The following KIF5A variants were observed in gnomAD, a reference collection of about 807,000 sequenced individuals.
KIF5A encodes kinesin heavy chain isoform 5A.
In KIF5A, 35 loss-of-function variants were observed where a neutral mutation model predicts 141.3. The observed-to-expected ratio is 0.25, with a 90% CI of 0.19 to 0.33. KIF5A has a LOEUF of 0.33. KIF5A is among the 10% of genes least tolerant of loss of function. The pLI is 1.00. For synonymous variants in KIF5A, 448 were observed against 500.2 expected (o/e 0.90, Z 1.39); for missense variants, 861 against 1,314.3 (o/e 0.66, Z 5.33).
intron 13 of KIF5A, among the ~76,000 whole-genome samples, chr12:57,571,721 C>T (rs1232418203): frequency 6.6e-6 from 1 of 152,090 alleles, no homozygotes; most frequent in Non-Finnish European, 1.5e-5. Context: ...AAGTGCACCA[C>T]CACACATGGC....
intron 1 of KIF5A, among the ~76,000 whole-genome samples, chr12:57,551,576 G>A (rs941470311): frequency 2.6e-5 from 4 of 152,184 alleles, no homozygotes; most frequent in Admixed American, 6.5e-5. Flanking sequence ...CTTGAGGGGT[G>A]CTGGGCCAGG....
rs1292347104 is a variant in KIF5A at position 57,584,429 on chromosome 12, C to T, written c.*248C>T. On this transcript the variant is annotated 3_prime_UTR_variant, in exon 29 of 29. Coordinates refer to ENST00000455537, the MANE Select transcript of KIF5A (RefSeq NM_004984.4). ...CTCAAGTATCTACTGATGTATTTAG[C>T]AATTTCAAAGCATAGTCTACCTTCC... 1 of 152,644 alleles carries T rather than the reference C, an allele frequency of 6.6e-6. No individual in the cohort carries two copies. The highest frequency in any genetic ancestry group is 2.4e-5 in the African/African-American group (1 of 41,450). 9.5% of individuals were successfully genotyped at this position (152,644 alleles called of 1,614,324 possible). A position where few individuals can be genotyped will look rare whatever the true frequency, so the allele number is the denominator to read the frequency against.
At chr12:57,564,824 A>G (rs1240447907) in intron 5 of KIF5A, 94 bp from the exon 6 acceptor site, 11 of 1,197,330 alleles carry the variant, frequency 9.2e-6, no homozygotes, top group Non-Finnish European at 1.4e-5. Context: ...TTCCTTTAGC[A>G]CAGAGAAGAA....
At position 57,576,316 on chromosome 12, in the gene KIF5A, G is replaced by A; in HGVS notation, c.2136G>A (p.Arg712=). The A allele has an allele frequency of 6.2e-7, 1 of 1,614,056 alleles. No homozygotes were observed. Among genetic ancestry groups the A allele is most frequent in the Non-Finnish European group, 8.5e-7 (1 of 1,179,950 alleles). Residue 712 remains arginine (R), a synonymous_variant, in exon 19 of 29, where the codon CGG becomes CGA. Coordinates refer to ENST00000455537, the MANE Select transcript of KIF5A (RefSeq NM_004984.4). ...AGAGTCACCGGGAGGCCCATCACCG[G>A]CAGCTGGCCCGGCTCCGGGACGAGA... is the stretch of plus-strand genomic sequence containing the variant. The part of the protein sequence containing the change: ...QMESHREAHH[R]QLARLRDEIN...
intron 23 of KIF5A, 28 bp from the exon 24 acceptor site, chr12:57,580,928 C>T (rs573782530): frequency 6.2e-7 from 1 of 1,610,710 alleles, no homozygotes; most frequent in South Asian, 1.1e-5. Flanking sequence ...CCTTCCTTTC[C>T]ACTTCTTCCC....
chr12:57,582,841 T>C, intron 27 of KIF5A: 1 of 636,360 alleles, frequency 1.6e-6, no homozygotes, highest in South Asian at 1.9e-5. Context: ...ATCTGTGGCT[T>C]CTCCCTATTC....
At position 57,564,157 on chromosome 12, in the gene KIF5A, G is replaced by A. The variant is rs144277716; in HGVS notation, c.341G>A (p.Arg114Gln). The A allele has an allele frequency of 1.6e-5, 26 of 1,613,924 alleles. No individual in the cohort carries two copies. Among genetic ancestry groups the A allele is most frequent in the African/African-American group, 1.3e-4 (10 of 74,914 alleles). Residue 114 changes from arginine to glutamine, a missense_variant, in exon 4 of 29, where the codon CGA becomes CAA. Arg to Gln is a conservative substitution (Grantham distance 43). Coordinates refer to ENST00000455537, the MANE Select transcript of KIF5A (RefSeq NM_004984.4). ...ATGGGAATCATTCCTCGAATTGCCCGAGACATCTTCAACCACATCTACTCC... is the reference window on the plus strand; with the variant it reads ...ATGGGAATCATTCCTCGAATTGCCCAAGACATCTTCAACCACATCTACTCC... ...QLMGIIPRIA[R>Q]DIFNHIYSMD...
chr12:57,580,936 C>T lies in KIF5A; in HGVS notation c.2539-20C>T. ...TCACTTGCCTTCCTTTCCACTTCTT[C>T]CCTTTGGCTTGCCCCATAGCTGGTA... On this transcript the variant is annotated intron_variant, in intron 23 of 28. Transcript: ENST00000455537. 1.9e-6 allele frequency: 3 copies of T among 1,612,936 alleles called. No homozygotes were observed. The highest frequency in any genetic ancestry group is 2.5e-6 in the Non-Finnish European group (3 of 1,179,320).
chr12:57,566,610 A>C (rs1882073080), intron 6 of KIF5A, among the ~76,000 whole-genome samples: 1 of 151,702 alleles, frequency 6.6e-6, no homozygotes, highest in Admixed American at 6.6e-5. Context: ...GGATTTTGCC[A>C]TGTTGGCCAG....
chr12:57,577,538 G>A (rs1594923604), intron 20 of KIF5A, among the ~76,000 whole-genome samples, 175 bp from the exon 21 acceptor site: 1 of 152,178 alleles, frequency 6.6e-6, no homozygotes, highest in Non-Finnish European at 1.5e-5. Flanking sequence ...TGAGGCTGCA[G>A]TGAGCCCTGA....
rs1178987040 is a variant in KIF5A at position 57,581,972 on chromosome 12, A to T, written c.2992+20A>T. 1.3e-6 allele frequency: 2 copies of T among 1,597,750 alleles called. No homozygotes were observed. Among genetic ancestry groups the T allele is most frequent in the Non-Finnish European group, 1.7e-6 (2 of 1,165,054 alleles). On this transcript the variant is annotated intron_variant, in intron 26 of 28. Coordinates refer to ENST00000455537, the MANE Select transcript of KIF5A (RefSeq NM_004984.4). ...ACAATGGTGAGTGAAAAAGATGGGT[A>T]ATCCCACCTTTGGGGTCCTCAGGGC...
At chr12:57,563,990 T>G (rs1462484371) in intron 3 of KIF5A, 118 bp from the exon 4 acceptor site, 2 of 773,388 alleles carry the variant, frequency 2.6e-6, no homozygotes, top group Admixed American at 3.9e-5. Flanking sequence ...GTGGTGACCA[T>G]CTCCTAACTT....
At chr12:57,558,471 C>G (rs1266606920) in intron 1 of KIF5A, among the ~76,000 whole-genome samples, 6 of 152,078 alleles carry the variant, frequency 3.9e-5, no homozygotes, top group South Asian at 2.1e-4. Flanking sequence ...GTCAGGAGTT[C>G]AAGACCAGCC....
At chr12:57,581,370 G>A (rs763092868) in intron 24 of KIF5A, 45 bp from the exon 25 acceptor site, 16 of 1,611,212 alleles carry the variant, frequency 9.9e-6, no homozygotes, top group Admixed American at 1.7e-5. Context: ...CAGGGCAAAT[G>A]CAGGGTCATA....
At chr12:57,568,869 T>A in intron 8 of KIF5A, 94 bp from the exon 9 acceptor site, 1 of 805,934 alleles carries the variant, frequency 1.2e-6, no homozygotes, top group Non-Finnish European at 2.1e-6. Flanking sequence ...CCCTGTTCCT[T>A]CCTTCCTCCG....
chr12:57,554,820 C>T (rs775854949), intron 1 of KIF5A, among the ~76,000 whole-genome samples: 24 of 152,086 alleles, frequency 1.6e-4, no homozygotes, highest in Non-Finnish European at 3.4e-4. Context: ...TTTTTAACAG[C>T]CAGCTCTCAC....
intron 1 of KIF5A, among the ~76,000 whole-genome samples, chr12:57,557,282 G>T (rs1245081012): frequency 6.6e-6 from 1 of 151,906 alleles, no homozygotes; most frequent in Non-Finnish European, 1.5e-5. Flanking sequence ...AGAGGCATTG[G>T]CTTGAGATAG....
At position 57,578,144 on chromosome 12, in the gene KIF5A, G is replaced by A. The variant is rs891491367; in HGVS notation, c.2433+64G>A. On this transcript the variant is annotated intron_variant, in intron 22 of 28. Coordinates refer to ENST00000455537, the MANE Select transcript of KIF5A (RefSeq NM_004984.4). Reference sequence around the variant, plus strand: ...CTCCTCCTATCCTTAGGTTTCTCCTGCCCCTGTTGCCCCTATGGGGCTGGC... The same window carrying A: ...CTCCTCCTATCCTTAGGTTTCTCCTACCCCTGTTGCCCCTATGGGGCTGGC... The A allele has an allele frequency of 6.3e-6, 10 of 1,578,134 alleles. No homozygotes were observed. The South Asian group carries it at 1.1e-4, about 17-fold the overall frequency.
At chr12:57,553,577 T>A (rs1242300391) in intron 1 of KIF5A, among the ~76,000 whole-genome samples, 1 of 152,118 alleles carries the variant, frequency 6.6e-6, no homozygotes, top group Non-Finnish European at 1.5e-5. Context: ...CCCACGGGTG[T>A]CACTATGGAA....
Sources: allele counts gnomAD v4.1 joint callset (sites outside exome capture counted in the v4.1 genomes callset), GRCh38; gene constraint gnomAD v4.1.1; transcripts MANE v1.5; gene names NCBI Gene and HGNC (gene_info 2026-07-23, HGNC 2026-07-21).